The following LMNTD1 variants were observed in gnomAD, a reference collection of about 807,000 sequenced individuals.
LMNTD1 encodes the protein lamin tail domain containing 1, also known as lamin tail domain-containing protein 1.
In LMNTD1, 35 loss-of-function variants were observed where a neutral mutation model predicts 50.9. That is an observed-to-expected ratio of 0.69 (90% confidence interval 0.53 to 0.91). The LOEUF is 0.91. Ranked by LOEUF, LMNTD1 falls within the 40% of genes least tolerant of loss-of-function variation. The pLI is 0.00. For synonymous variants in LMNTD1, 153 were observed against 161.9 expected (o/e 0.94, Z 0.42); for missense variants, 470 against 475.5 (o/e 0.99, Z 0.11).
chr12:25,486,877 C>A (rs1369205466), intron 9 of LMNTD1, among the ~76,000 whole-genome samples: 1 of 151,718 alleles, frequency 6.6e-6, no homozygotes, highest in Non-Finnish European at 1.5e-5. Flanking sequence ...GTTGGATAAG[C>A]TTTTTGATGT....
chr12:25,590,044 C>A (rs1356880747), intron 1 of LMNTD1, among the ~76,000 whole-genome samples: 1 of 151,752 alleles, frequency 6.6e-6, no homozygotes, highest in Non-Finnish European at 1.5e-5. Context: ...ACCAGTTTAA[C>A]AACTATCTAC....
intron 9 of LMNTD1, among the ~76,000 whole-genome samples, chr12:25,489,581 C>T (rs1938814299): frequency 1.4e-5 from 2 of 147,988 alleles, no homozygotes; most frequent in Non-Finnish European, 3.0e-5. Flanking sequence ...CAGAAATCAC[C>T]AGTCTTCTGC....
intron 1 of LMNTD1, among the ~76,000 whole-genome samples, chr12:25,640,668 G>GT (rs142960852): frequency 0.2 from 29,044 of 148,074 alleles, 3,464 homozygotes; most frequent in East Asian, 0.5. Flanking sequence ...GAGGTTTTTT[G>GT]TTTTTTTTTT....
At chr12:25,621,113 T>C (rs918734917) in intron 1 of LMNTD1, among the ~76,000 whole-genome samples, 23 of 152,236 alleles carry the variant, frequency 1.5e-4, no homozygotes, top group African/African-American at 5.5e-4. Flanking sequence ...TTCTTCTGAT[T>C]TGGTCACTGG....
At chr12:25,632,447 C>T (rs968897915) in intron 1 of LMNTD1, among the ~76,000 whole-genome samples, 4 of 152,216 alleles carry the variant, frequency 2.6e-5, no homozygotes, top group African/African-American at 9.6e-5. Context: ...CAGCAGATTT[C>T]TCAGCAGAAA....
chr12:25,573,993 G>T (rs1250377412), intron 1 of LMNTD1, among the ~76,000 whole-genome samples: 5 of 152,174 alleles, frequency 3.3e-5, no homozygotes, highest in Admixed American at 2.0e-4. Context: ...GACCTTGCTT[G>T]CCTCTCCCCT....
rs563681475 is a variant in LMNTD1, at chr12:25,630,434, A to G, written c.58+18060T>C. Among the ~76,000 whole-genome samples the G allele has an allele frequency of 8.5e-5, 13 of 152,300 alleles. 1 individual carries two copies. In the South Asian group the frequency reaches 2.7e-3, roughly 32 times the overall value. On this transcript the variant is annotated intron_variant, in intron 1 of 7. Transcript: ENST00000445693. Reference sequence around the variant, plus strand: ...AATCAGCAGTCCCGAGAAGACGCACAGACCCTCTAAAGGAAGTGGAATGCT... The same window carrying G: ...AATCAGCAGTCCCGAGAAGACGCACGGACCCTCTAAAGGAAGTGGAATGCT...
chr12:25,583,599 T>C (rs888807548), intron 1 of LMNTD1, among the ~76,000 whole-genome samples: 8 of 152,248 alleles, frequency 5.3e-5, no homozygotes, highest in African/African-American at 1.9e-4. Flanking sequence ...ATCTCAGTGA[T>C]TCAATTCTAA....
chr12:25,616,732 T>G (rs967462137), intron 1 of LMNTD1, among the ~76,000 whole-genome samples: 2 of 152,056 alleles, frequency 1.3e-5, no homozygotes, highest in Non-Finnish European at 2.9e-5. Flanking sequence ...TATTTCAAAA[T>G]AAAAAGGCCA....
At chr12:25,546,140 T>C (rs1366221475) in intron 4 of LMNTD1, among the ~76,000 whole-genome samples, 2 of 151,714 alleles carry the variant, frequency 1.3e-5, no homozygotes, top group African/African-American at 2.4e-5. Flanking sequence ...GTAAAGATTA[T>C]GTAGCATTGT....
At chr12:25,599,841 G>A (rs1437133278) in intron 1 of LMNTD1, among the ~76,000 whole-genome samples, 3 of 151,820 alleles carry the variant, frequency 2.0e-5, no homozygotes, top group Admixed American at 1.3e-4. Flanking sequence ...CATGGATTGG[G>A]AGAATAAATA....
rs566040131 is a variant in LMNTD1, at chr12:25,644,435, C to T, written c.58+4059G>A. On this transcript the variant is annotated intron_variant, in intron 1 of 7. Coordinates refer to the LMNTD1 transcript ENST00000445693. ...AGGAGGTTGAGGCTGCAGGGTGCTGCCACTGCATTCCAGCCTGGGCAGCAT... is the reference window on the plus strand; with the variant it reads ...AGGAGGTTGAGGCTGCAGGGTGCTGTCACTGCATTCCAGCCTGGGCAGCAT... 2.2e-3 allele frequency among the ~76,000 whole-genome samples: 328 copies of T among 151,948 alleles called. 1 individual carries two copies. Among genetic ancestry groups the T allele is most frequent in the Non-Finnish European group, 3.5e-3 (240 of 67,960 alleles).
At chr12:25,520,699 CTT>C (rs890859363) in intron 6 of LMNTD1, among the ~76,000 whole-genome samples, 3 of 152,102 alleles carry the variant, frequency 2.0e-5, no homozygotes, top group Non-Finnish European at 2.9e-5. Context: ...GTGATTTCAT[CTT>C]TTTTGGGTAT....
At chr12:25,644,651 G>T (rs2136634218) in intron 1 of LMNTD1, among the ~76,000 whole-genome samples, 1 of 152,268 alleles carries the variant, frequency 6.6e-6, no homozygotes, top group South Asian at 2.1e-4. Flanking sequence ...TGTAATTTGG[G>T]AGTTCACAGA....
At chr12:25,543,749 C>CT (rs926463095) in intron 4 of LMNTD1, among the ~76,000 whole-genome samples, 17 of 151,108 alleles carry the variant, frequency 1.1e-4, no homozygotes, top group East Asian at 1.9e-4. Context: ...TTTAGTACTG[C>CT]TTTTTTTTGT....
At chr12:25,640,366 C>T (rs556997093) in intron 1 of LMNTD1, among the ~76,000 whole-genome samples, 6 of 151,902 alleles carry the variant, frequency 3.9e-5, no homozygotes, top group African/African-American at 1.2e-4. Flanking sequence ...AAAAATTAGC[C>T]GGGCATGGCA....
Position 25,526,197 on chromosome 12 carries a change from C to G in LMNTD1, c.700G>C (p.Ala234Pro), listed in dbSNP as rs374111917. ...TVTVWAAASE[A>P]KHQPPSDFLW... ...AAATCTGATGGAGGTTGATGCTTTG[C>G]TTCAGATGCTGCTGCCCACACCTGT... is the stretch of plus-strand genomic sequence containing the variant. The change falls in exon 6 of 10, where the codon GCA becomes CCA. Residue 234 changes from alanine (A) to proline (P), a missense_variant. Physicochemically the swap from Ala to Pro is conservative, Grantham distance 27 (BLOSUM62 -1). Transcript: ENST00000458174. 72 of 1,610,442 alleles carry G rather than the reference C, an allele frequency of 4.5e-5. No individual in the cohort carries two copies. Among genetic ancestry groups the G allele is most frequent in the Non-Finnish European group, 3.6e-5 (42 of 1,178,242 alleles).
intron 1 of LMNTD1, among the ~76,000 whole-genome samples, chr12:25,635,839 A>G (rs1946821875): frequency 6.8e-6 from 1 of 148,070 alleles, no homozygotes; most frequent in African/African-American, 2.5e-5. Flanking sequence ...ACATACTTAC[A>G]GGCAACTGAT....
intron 1 of LMNTD1, among the ~76,000 whole-genome samples, chr12:25,605,958 T>C (rs1294525889): frequency 6.6e-6 from 1 of 152,198 alleles, no homozygotes; most frequent in African/African-American, 2.4e-5. Flanking sequence ...GATTCTTCTA[T>C]CCATGAGCAT....
Sources: gnomAD v4.1 joint callset for allele counts (sites outside exome capture counted in the v4.1 genomes callset) on GRCh38, gnomAD v4.1.1 for gene constraint, MANE v1.5 for transcripts, NCBI Gene and HGNC (gene_info 2026-07-23, HGNC 2026-07-21) for gene names.